HLCS: variants seen among roughly 807,000 people sequenced by gnomAD.
HLCS encodes the protein holocarboxylase synthetase.
HLCS carries 53 observed loss-of-function variants against 75.0 expected under a neutral mutation model. The observed-to-expected ratio is 0.71, with a 90% CI of 0.57 to 0.89. HLCS has a LOEUF of 0.89. Ranked by LOEUF, HLCS falls within the 40% of genes least tolerant of loss-of-function variation. The pLI is 0.00. For synonymous variants in HLCS, 431 were observed against 428.6 expected (o/e 1.01, Z -0.07); for missense variants, 966 against 1,074.0 (o/e 0.90, Z 1.41).
chr21:36,792,075 T>C (rs1445347316), intron 6 of HLCS, among the ~76,000 whole-genome samples: 1 of 152,078 alleles, frequency 6.6e-6, no homozygotes, highest in Non-Finnish European at 1.5e-5. Flanking sequence ...GTGCGCTACC[T>C]GTCAGCGTTC....
intron 6 of HLCS, among the ~76,000 whole-genome samples, chr21:36,822,171 C>T (rs940356439): frequency 5.3e-5 from 8 of 152,190 alleles, no homozygotes; most frequent in East Asian, 1.9e-4. Flanking sequence ...CCTGTAATCC[C>T]AGTACTTTGG....
At chr21:36,957,735 C>CAAT (rs2146641020) in intron 2 of HLCS, among the ~76,000 whole-genome samples, 1 of 147,036 alleles carries the variant, frequency 6.8e-6, no homozygotes, top group Non-Finnish European at 1.5e-5. Flanking sequence ...GGAAATCATC[C>CAAT]CGACTAACAT....
chr21:36,827,343 C>T (rs1030255420), intron 6 of HLCS, among the ~76,000 whole-genome samples: 18 of 151,814 alleles, frequency 1.2e-4, no homozygotes, highest in Non-Finnish European at 1.9e-4. Context: ...CCAAGGCGAG[C>T]GGATCACCTG....
At chr21:36,970,926 G>A (rs547170959), upstream of HLCS, among the ~76,000 whole-genome samples, 205 of 150,644 alleles carry the variant, frequency 1.4e-3, no homozygotes, top group Middle Eastern at 3.4e-3. Flanking sequence ...CCCAGGAGGC[G>A]GAGCTTGTAG....
intron 6 of HLCS, among the ~76,000 whole-genome samples, chr21:36,784,343 G>C (rs1429556745): frequency 7.0e-6 from 1 of 142,698 alleles, no homozygotes; most frequent in African/African-American, 2.6e-5. Flanking sequence ...ATGAGACAGA[G>C]TCTTGCTCTT....
chr21:36,799,724 T>C (rs1480503217), intron 6 of HLCS, among the ~76,000 whole-genome samples: 2 of 152,174 alleles, frequency 1.3e-5, no homozygotes, highest in Non-Finnish European at 1.5e-5. Flanking sequence ...CTCTCTCATC[T>C]GTAAGCAGTG....
At chr21:36,826,837 A>G (rs907097864) in intron 6 of HLCS, among the ~76,000 whole-genome samples, 5 of 152,226 alleles carry the variant, frequency 3.3e-5, no homozygotes, top group African/African-American at 9.6e-5. Flanking sequence ...CCTCCCAGTA[A>G]AAGTTTACAT....
At chr21:36,784,892 G>A (rs1405157133) in intron 6 of HLCS, among the ~76,000 whole-genome samples, 1 of 151,964 alleles carries the variant, frequency 6.6e-6, no homozygotes, top group Non-Finnish European at 1.5e-5. Context: ...TTTCCCTTAT[G>A]AAATTTACAT....
intron 9 of HLCS, among the ~76,000 whole-genome samples, chr21:36,757,347 T>C (rs541300747): frequency 1.3e-5 from 2 of 152,280 alleles, no homozygotes; most frequent in South Asian, 4.2e-4. Context: ...CAGTGGCTTT[T>C]TGCAGGGTCC....
chr21:36,961,900 G>A (rs1174338754), intron 2 of HLCS, 136 bp downstream of exon 2: 1 of 419,550 alleles, frequency 2.4e-6, no homozygotes, highest in East Asian at 7.4e-5. Context: ...GTCCCAGTGA[G>A]CCGAGATCAC....
At chr21:36,826,721 G>A (rs1209279207) in intron 6 of HLCS, among the ~76,000 whole-genome samples, 2 of 152,300 alleles carry the variant, frequency 1.3e-5, no homozygotes, top group East Asian at 3.9e-4. Context: ...TTTCCACAAT[G>A]CCATAAATGA....
chr21:36,966,902 A>C (rs2068630798), upstream of HLCS, among the ~76,000 whole-genome samples: 1 of 142,094 alleles, frequency 7.0e-6, no homozygotes, highest in Non-Finnish European at 1.5e-5. Context: ...GGCGAGGGGC[A>C]GCGCTGGGGC....
intron 6 of HLCS, among the ~76,000 whole-genome samples, chr21:36,802,498 C>A (rs2061236408): frequency 6.6e-6 from 1 of 152,300 alleles, no homozygotes; most frequent in South Asian, 2.1e-4. Flanking sequence ...CTTATTTATT[C>A]ATTCAGAAAA....
intron 5 of HLCS, among the ~76,000 whole-genome samples, chr21:36,911,681 G>A (rs1241552235): frequency 6.7e-5 from 10 of 150,336 alleles, no homozygotes; most frequent in Non-Finnish European, 1.0e-4. Context: ...CTCGGGAGGC[G>A]GAGCTTGCAG....
intron 6 of HLCS, among the ~76,000 whole-genome samples, chr21:36,772,038 A>T (rs2835459): frequency 0.53 from 80,349 of 151,694 alleles, 21,721 homozygotes; most frequent in African/African-American, 0.6. Flanking sequence ...TACCAAAATA[A>T]TAGCTGCAGT....
chr21:36,853,122 C>T (rs1346052548), intron 6 of HLCS, among the ~76,000 whole-genome samples: 1 of 152,156 alleles, frequency 6.6e-6, no homozygotes, highest in Non-Finnish European at 1.5e-5. Context: ...AATAGAGCCA[C>T]CTTCAAACTG....
rs547999951 is a variant in HLCS at position 36,787,228 on chromosome 21, C to T, written c.1893-19943G>A. Among the ~76,000 whole-genome samples, 6 of 152,326 alleles carry T rather than the reference C, an allele frequency of 3.9e-5. No individual in the cohort carries two copies. The South Asian group carries it at 1.2e-3, about 32-fold the overall frequency. ...GTCCACTCTGAGTGCAGGTCCGGCT[C>T]AGTTTTGGATGTTCCTCCGAGAGCA... On this transcript the variant is annotated intron_variant, in intron 6 of 10. Coordinates refer to ENST00000674895, the MANE Select transcript of HLCS (RefSeq NM_001352514.2).
intron 5 of HLCS, among the ~76,000 whole-genome samples, chr21:36,924,648 C>T (rs2066322698): frequency 6.6e-6 from 1 of 152,192 alleles, no homozygotes; most frequent in African/African-American, 2.4e-5. Context: ...AGGACTCCTT[C>T]CCCGCCCTGC....
At chr21:36,845,481 C>T (rs771952924) in intron 6 of HLCS, among the ~76,000 whole-genome samples, 10 of 152,130 alleles carry the variant, frequency 6.6e-5, no homozygotes, top group Admixed American at 1.3e-4. Flanking sequence ...GTAAATACAA[C>T]GGCAAACTGC....
Sources: gnomAD v4.1 joint callset for allele counts (sites outside exome capture counted in the v4.1 genomes callset) on GRCh38, gnomAD v4.1.1 for gene constraint, MANE v1.5 for transcripts, NCBI Gene and HGNC (gene_info 2026-07-23, HGNC 2026-07-21) for gene names.